Variants in LHFPL3 observed in about 807,000 individuals in gnomAD.
The protein encoded by LHFPL3 is LHFPL tetraspan subfamily member 3 protein.
LHFPL3 carries 5 observed loss-of-function variants against 19.3 expected under a neutral mutation model. The ratio of observed to expected loss-of-function variants is 0.26; its 90% CI spans 0.14 to 0.54. LHFPL3 has a LOEUF of 0.54. Among genes scored for constraint, LHFPL3 ranks in the 20% least tolerant of loss-of-function variants. The pLI, the probability that LHFPL3 is intolerant of heterozygous loss-of-function variation, is 0.94. For synonymous variants in LHFPL3, 133 were observed against 126.2 expected (o/e 1.05, Z -0.36); for missense variants, 249 against 307.4 (o/e 0.81, Z 1.42).
intron 1 of LHFPL3, among the ~76,000 whole-genome samples, chr7:104,552,219 G>A (rs13235175): frequency 0.016 from 2,511 of 152,286 alleles, 53 homozygotes; most frequent in East Asian, 0.12. Context: ...AGTGAGCAAG[G>A]CATGAGCCAC....
intron 1 of LHFPL3, among the ~76,000 whole-genome samples, chr7:104,401,713 A>C (rs1424669839): frequency 6.6e-6 from 1 of 152,234 alleles, no homozygotes; most frequent in African/African-American, 2.4e-5. Context: ...ATAGGAAGTA[A>C]ACTCATTCAT....
chr7:104,724,051 T>C (rs942793159), intron 1 of LHFPL3, among the ~76,000 whole-genome samples: 2 of 152,190 alleles, frequency 1.3e-5, no homozygotes, highest in Admixed American at 6.5e-5. Flanking sequence ...AAGAGGAGTA[T>C]TATTTAAACT....
intron 1 of LHFPL3, among the ~76,000 whole-genome samples, chr7:104,622,708 T>C (rs1791470980): frequency 2.0e-5 from 3 of 152,228 alleles, no homozygotes; most frequent in Admixed American, 2.0e-4. Context: ...TTTTAGTGAC[T>C]GGCTTCTTTC....
chr7:104,823,019 G>C (rs1562803888), intron 2 of LHFPL3, among the ~76,000 whole-genome samples: 1 of 152,136 alleles, frequency 6.6e-6, no homozygotes, highest in Non-Finnish European at 1.5e-5. Context: ...TCTGCATGAA[G>C]AGGTGAGCAC....
Position 104,611,395 on chromosome 7 carries a change from A to ACCACGTGC in LHFPL3, c.446-125279_446-125278insCACGTGCC, listed in dbSNP as rs1174121610. Among the ~76,000 whole-genome samples the ACCACGTGC allele has an allele frequency of 5.9e-5, 9 of 152,302 alleles. No homozygotes were observed. The South Asian group carries it at 1.2e-3, about 21-fold the overall frequency. ...GAAGGGGACAGCAATGCCAAGCAATACAGGCCACGTGGGGAGGGATCCAGG... is the reference window on the plus strand; with the variant it reads ...GAAGGGGACAGCAATGCCAAGCAATACCACGTGCCAGGCCACGTGGGGAGGGATCCAGG... On this transcript the variant is annotated intron_variant, in intron 1 of 2. Coordinates refer to ENST00000424859, the MANE Select transcript of LHFPL3 (RefSeq NM_199000.3).
intron 1 of LHFPL3, among the ~76,000 whole-genome samples, chr7:104,596,306 A>T (rs2115670849): frequency 6.6e-6 from 1 of 152,356 alleles, no homozygotes; most frequent in South Asian, 2.1e-4. Flanking sequence ...GTGATCTCCA[A>T]GTTGAGTCCA....
chr7:104,763,484 G>A (rs763723466), intron 2 of LHFPL3, among the ~76,000 whole-genome samples: 4 of 152,208 alleles, frequency 2.6e-5, no homozygotes, highest in South Asian at 2.1e-4. Flanking sequence ...ACTGCATGCC[G>A]TCTGCTGCAA....
At chr7:104,376,294 C>T (rs1790713146) in intron 1 of LHFPL3, among the ~76,000 whole-genome samples, 1 of 152,162 alleles carries the variant, frequency 6.6e-6, no homozygotes, top group African/African-American at 2.4e-5. Flanking sequence ...CCTGTCCTCA[C>T]TAAGTTTACA....
chr7:104,396,611 C>A (rs913003844), intron 1 of LHFPL3, among the ~76,000 whole-genome samples: 7 of 145,740 alleles, frequency 4.8e-5, no homozygotes, highest in African/African-American at 1.5e-4. Flanking sequence ...GATTCTCCTG[C>A]ATTTTTGCCA....
chr7:104,407,036 C>T (rs1791430492), intron 1 of LHFPL3, among the ~76,000 whole-genome samples: 1 of 152,184 alleles, frequency 6.6e-6, no homozygotes. Flanking sequence ...CTCTGAGCCA[C>T]AGTGGCTCTG....
intron 1 of LHFPL3, among the ~76,000 whole-genome samples, chr7:104,463,867 C>T (rs1792724076): frequency 6.6e-6 from 1 of 152,190 alleles, no homozygotes; most frequent in South Asian, 2.1e-4. Flanking sequence ...GTCCCCAGCC[C>T]TTCCCAAATC....
intron 1 of LHFPL3, among the ~76,000 whole-genome samples, chr7:104,530,552 G>T (rs1317224682): frequency 7.2e-5 from 11 of 152,198 alleles, no homozygotes; most frequent in Non-Finnish European, 1.6e-4. Context: ...TTCAAGGAAA[G>T]CAAAGTGTAT....
At position 104,750,490 on chromosome 7, in the gene LHFPL3, A is replaced by T. The variant is rs1030642144; in HGVS notation, c.682+13579A>T. ...CCAAGGAATTGAAGAGCTAATAACC[A>T]ATTGAATTTCGCCTTTATAGTCTGA... On this transcript the variant is annotated intron_variant, in intron 2 of 2. Coordinates refer to ENST00000424859, the MANE Select transcript of LHFPL3 (RefSeq NM_199000.3). Among the ~76,000 whole-genome samples the T allele has an allele frequency of 3.9e-5, 6 of 152,332 alleles. No individual in the cohort carries two copies. The East Asian group carries it at 9.6e-4, about 24-fold the overall frequency.
chr7:104,761,970 A>T (rs1794377930), intron 2 of LHFPL3, among the ~76,000 whole-genome samples: 1 of 152,190 alleles, frequency 6.6e-6, no homozygotes, highest in Non-Finnish European at 1.5e-5. Flanking sequence ...ACATTTCCTT[A>T]CTTATAGCAC....
chr7:104,517,335 T>C (rs1435171280), intron 1 of LHFPL3, among the ~76,000 whole-genome samples: 2 of 151,892 alleles, frequency 1.3e-5, no homozygotes, highest in Non-Finnish European at 2.9e-5. Flanking sequence ...AAATAATTAA[T>C]TAAATTTACT....
intron 1 of LHFPL3, among the ~76,000 whole-genome samples, chr7:104,333,063 A>G (rs1801601486): frequency 6.6e-6 from 1 of 152,128 alleles, no homozygotes; most frequent in Non-Finnish European, 1.5e-5. Context: ...CAGGATAGAA[A>G]GGGAATTTTC....
At chr7:104,603,869 A>G (rs758507117) in intron 1 of LHFPL3, among the ~76,000 whole-genome samples, 2 of 152,208 alleles carry the variant, frequency 1.3e-5, no homozygotes, top group Admixed American at 6.5e-5. Context: ...GAGCCACCCC[A>G]AGGCCTCAGG....
intron 1 of LHFPL3, among the ~76,000 whole-genome samples, chr7:104,467,830 CTT>C (rs1792822975): frequency 6.6e-6 from 1 of 152,140 alleles, no homozygotes; most frequent in South Asian, 2.1e-4. Context: ...TTCTCCTCTC[CTT>C]CATCCTGCTC....
At chr7:104,456,386 A>T (rs77461416) in intron 1 of LHFPL3, among the ~76,000 whole-genome samples, 2,436 of 152,292 alleles carry the variant, frequency 0.016, 75 homozygotes, top group African/African-American at 0.055. Flanking sequence ...CAATAGAGAC[A>T]CATTACATAA....
Sources: allele counts gnomAD v4.1 joint callset (sites outside exome capture counted in the v4.1 genomes callset), GRCh38; gene constraint gnomAD v4.1.1; transcripts MANE v1.5; gene names NCBI Gene and HGNC (gene_info 2026-07-23, HGNC 2026-07-21).